The following GRM7 variants were observed in gnomAD, a reference collection of about 807,000 sequenced individuals.
GRM7 encodes the protein metabotropic glutamate receptor 7.
In GRM7, 35 loss-of-function variants were observed where a neutral mutation model predicts 84.5. The observed-to-expected ratio is 0.41, with a 90% confidence interval of 0.32 to 0.55. The LOEUF (loss-of-function observed/expected upper bound fraction) is 0.55. Among genes scored for constraint, GRM7 ranks in the 20% least tolerant of loss-of-function variants. The pLI, the probability that GRM7 is intolerant of heterozygous loss-of-function variation, is 0.19. For synonymous variants in GRM7, 487 were observed against 455.1 expected (o/e 1.07, Z -0.89); for missense variants, 1,003 against 1,194.6 (o/e 0.84, Z 2.36).
chr3:6,991,925 C>CCTATT (rs147408366), intron 1 of GRM7, among the ~76,000 whole-genome samples: 421 of 152,074 alleles, frequency 2.8e-3, no homozygotes, highest in African/African-American at 9.6e-3. Flanking sequence ...CTAACATCTC[C>CCTATT]CTATTCCCTA....
At chr3:7,561,907 G>C (rs1001031263) in intron 7 of GRM7, among the ~76,000 whole-genome samples, 1 of 152,116 alleles carries the variant, frequency 6.6e-6, no homozygotes, top group Admixed American at 6.6e-5. Context: ...GCATGGGACA[G>C]AATTCAGTGG....
chr3:7,541,205 C>T (rs1692867094), intron 7 of GRM7, among the ~76,000 whole-genome samples: 1 of 151,926 alleles, frequency 6.6e-6, no homozygotes, highest in Non-Finnish European at 1.5e-5. Flanking sequence ...TGTAATATGG[C>T]ATTAGGTGAA....
intron 2 of GRM7, among the ~76,000 whole-genome samples, chr3:7,214,298 A>G (rs1696530115): frequency 6.6e-6 from 1 of 152,218 alleles, no homozygotes. Flanking sequence ...TAATTGGATT[A>G]ACAAAAACCT....
intron 9 of GRM7, among the ~76,000 whole-genome samples, chr3:7,707,930 A>ATTTTTTTTTTTTTTTTTTTTTTT (rs34344224): frequency 1.6e-5 from 2 of 123,688 alleles, no homozygotes; most frequent in African/African-American, 3.0e-5. Context: ...GAAGCTTTCA[A>ATTTTTTTTTTTTTTTTTTTTTTT]TTTTTTTTTT....
At chr3:7,644,359 C>A (rs1458653166) in intron 8 of GRM7, among the ~76,000 whole-genome samples, 1 of 152,064 alleles carries the variant, frequency 6.6e-6, no homozygotes, top group Non-Finnish European at 1.5e-5. Context: ...CATATTTCTA[C>A]AACCACAGAC....
rs186004406 is a variant in GRM7, at chr3:6,999,854, G to A, written c.519+137947G>A. The stretch of plus-strand genomic sequence containing the variant: ...ATTGGATGCCTCTCAAGACAATTGG[G>A]GATTATGGGAATTGCAATTCAAGAT... On this transcript the variant is annotated intron_variant, in intron 1 of 9. Transcript: ENST00000357716. Among the ~76,000 whole-genome samples the A allele has an allele frequency of 6.5e-3, 990 of 152,112 alleles. 5 individuals carry two copies. The highest frequency in any genetic ancestry group is 0.011 in the Non-Finnish European group (737 of 67,992).
chr3:7,564,227 TAGAC>T (rs1341627027), intron 7 of GRM7, among the ~76,000 whole-genome samples: 4 of 152,160 alleles, frequency 2.6e-5, no homozygotes, highest in Admixed American at 6.5e-5. Flanking sequence ...ATAATTGTAA[TAGAC>T]AGAACTCATC....
chr3:7,481,173 G>T (rs1460280297), intron 7 of GRM7, among the ~76,000 whole-genome samples: 1 of 151,876 alleles, frequency 6.6e-6, no homozygotes, highest in South Asian at 2.1e-4. Flanking sequence ...CAATCTCCCA[G>T]GCTGAAGTGA....
chr3:7,287,341 A>G (rs1421443029), intron 2 of GRM7, among the ~76,000 whole-genome samples: 1 of 152,174 alleles, frequency 6.6e-6, no homozygotes, highest in Non-Finnish European at 1.5e-5. Context: ...AGAGAAGGCC[A>G]GTAAATTGGA....
At chr3:6,920,958 G>C (rs977094041) in intron 1 of GRM7, among the ~76,000 whole-genome samples, 1 of 152,148 alleles carries the variant, frequency 6.6e-6, no homozygotes, top group African/African-American at 2.4e-5. Context: ...TAGATTATCA[G>C]AACCTTAGAG....
intron 7 of GRM7, among the ~76,000 whole-genome samples, chr3:7,472,796 T>G (rs1559347076): frequency 6.6e-6 from 1 of 152,228 alleles, no homozygotes; most frequent in Non-Finnish European, 1.5e-5. Context: ...TAAAGTGGAA[T>G]AATAACTTAG....
At chr3:7,476,622 T>C (rs1559349747) in intron 7 of GRM7, among the ~76,000 whole-genome samples, 1 of 152,152 alleles carries the variant, frequency 6.6e-6, no homozygotes, top group African/African-American at 2.4e-5. Context: ...CTAGGACTAC[T>C]ATTATTGTTG....
At chr3:7,340,445 A>G (rs376300586) in intron 4 of GRM7, among the ~76,000 whole-genome samples, 71 of 152,220 alleles carry the variant, frequency 4.7e-4, no homozygotes, top group African/African-American at 1.6e-3. Flanking sequence ...AGAGCCCCTT[A>G]TAAAACCATC....
chr3:6,926,706 C>T (rs1575023212), intron 1 of GRM7, among the ~76,000 whole-genome samples: 1 of 152,192 alleles, frequency 6.6e-6, no homozygotes. Flanking sequence ...GATGCAACCA[C>T]CCCTCGGGTT....
chr3:6,955,343 C>A (rs1692990490), intron 1 of GRM7, among the ~76,000 whole-genome samples: 1 of 152,002 alleles, frequency 6.6e-6, no homozygotes, highest in Non-Finnish European at 1.5e-5. Flanking sequence ...CCAGACCAGC[C>A]TGGTCCAACA....
chr3:7,457,491 A>T (rs1698067824), intron 6 of GRM7, among the ~76,000 whole-genome samples: 1 of 152,222 alleles, frequency 6.6e-6, no homozygotes, highest in Non-Finnish European at 1.5e-5. Context: ...AATAATAGCT[A>T]TAGAAAGAAG....
At chr3:7,439,884 G>A (rs934428218) in intron 5 of GRM7, among the ~76,000 whole-genome samples, 1 of 151,892 alleles carries the variant, frequency 6.6e-6, no homozygotes, top group Non-Finnish European at 1.5e-5. Flanking sequence ...TGGAAAGACA[G>A]AGGGAGCTGG....
intron 1 of GRM7, among the ~76,000 whole-genome samples, chr3:7,120,040 G>C (rs1362619290): frequency 6.6e-6 from 1 of 151,922 alleles, no homozygotes; most frequent in East Asian, 1.9e-4. Flanking sequence ...ATAAATCCTA[G>C]GAGATTGAGA....
chr3:7,183,469 A>G (rs1197147757), intron 2 of GRM7, among the ~76,000 whole-genome samples: 1 of 152,126 alleles, frequency 6.6e-6, no homozygotes, highest in Non-Finnish European at 1.5e-5. Context: ...CCTACTAAAA[A>G]TACAAAAACT....
Sources: allele counts gnomAD v4.1 joint callset (sites outside exome capture counted in the v4.1 genomes callset), GRCh38; gene constraint gnomAD v4.1.1; transcripts MANE v1.5; gene names NCBI Gene and HGNC (gene_info 2026-07-23, HGNC 2026-07-21).